ARHGAP21: variants seen among roughly 807,000 people sequenced by gnomAD.
The protein encoded by ARHGAP21 is rho GTPase-activating protein 21.
ARHGAP21 carries 38 observed loss-of-function variants against 164.6 expected under a neutral mutation model. The observed-to-expected ratio is 0.23, with a 90% CI of 0.18 to 0.30. The LOEUF (loss-of-function observed/expected upper bound fraction) is 0.30, where lower values mean the gene tolerates loss of function less well. Among genes scored for constraint, ARHGAP21 ranks in the 10% least tolerant of loss-of-function variants. ARHGAP21 has a pLI of 1.00. For missense variants in ARHGAP21, 1,822 were observed against 2,370.7 expected (o/e 0.77, Z 4.81); for synonymous variants, 766 against 857.9 (o/e 0.89, Z 1.87).
At chr10:24,695,133 C>T (rs1843068302) in intron 2 of ARHGAP21, among the ~76,000 whole-genome samples, 1 of 146,998 alleles carries the variant, frequency 6.8e-6, no homozygotes, top group South Asian at 2.2e-4. Context: ...AACATTATCT[C>T]CCAATTCCTA....
At chr10:24,625,136 A>G (rs1418943678) in intron 7 of ARHGAP21, among the ~76,000 whole-genome samples, 2 of 147,354 alleles carry the variant, frequency 1.4e-5, no homozygotes, top group Non-Finnish European at 3.0e-5. Flanking sequence ...TCCAAACAGT[A>G]TGTTAAATAC....
rs781504179 is a variant in ARHGAP21, at chr10:24,595,099, A to ATATAAAATAATACCTACTAGTCTTTT, written c.3778_3786+17dup. ...CTGAATTTTAGTTGTATCCCCCAAA[A>ATATAAAATAATACCTACTAGTCTTTT]TATAAAATAATACCTACTAGTCTTT... On this transcript the variant is annotated intron_variant, in intron 20 of 25. Coordinates refer to ENST00000396432, the MANE Select transcript of ARHGAP21 (RefSeq NM_020824.4). 1.9e-6 allele frequency: 3 copies of ATATAAAATAATACCTACTAGTCTTTT among 1,608,014 alleles called. No individual in the cohort carries two copies. The African/African-American group carries it at 4.0e-5, about 22-fold the overall frequency.
intron 2 of ARHGAP21, among the ~76,000 whole-genome samples, chr10:24,720,854 A>G (rs1845853824): frequency 6.6e-6 from 1 of 152,224 alleles, no homozygotes; most frequent in Non-Finnish European, 1.5e-5. Context: ...TTCAATGAAA[A>G]CATAGGCATC....
rs748733945 is a variant in ARHGAP21 at position 24,585,383 on chromosome 10, C to T, written c.4906G>A (p.Asp1636Asn). 9.9e-6 allele frequency: 16 copies of T among 1,613,868 alleles called. No individual in the cohort carries two copies. The highest frequency in any genetic ancestry group is 1.6e-4 in the Middle Eastern group (1 of 6,084). The change falls in exon 26 of 26, where the codon GAC becomes AAC. Residue 1636 changes from aspartate (D) to asparagine (N), a missense_variant. By Grantham distance (23) the Asp-to-Asn change is conservative. Coordinates refer to ENST00000396432, the MANE Select transcript of ARHGAP21 (RefSeq NM_020824.4). ...LISEGRPVET[D>N]SESEFPVFPT... ...AACACGGGAAACTCGCTCTCGCTGTCGGTTTCCACAGGCCGCCCTTCACTG... is the reference window on the plus strand; with the variant it reads ...AACACGGGAAACTCGCTCTCGCTGTTGGTTTCCACAGGCCGCCCTTCACTG...
chr10:24,677,911 C>CT (rs1226642921), intron 2 of ARHGAP21, among the ~76,000 whole-genome samples: 25 of 152,154 alleles, frequency 1.6e-4, no homozygotes, highest in African/African-American at 6.0e-4. Flanking sequence ...AATTTTAGTT[C>CT]TTTTTTAAAT....
At chr10:24,600,230 C>A (rs2076759241) in intron 14 of ARHGAP21, among the ~76,000 whole-genome samples, 1 of 149,196 alleles carries the variant, frequency 6.7e-6, no homozygotes. Flanking sequence ...ATATTCTTGA[C>A]TGTATAGTTC....
intron 2 of ARHGAP21, among the ~76,000 whole-genome samples, chr10:24,674,502 C>T (rs1841021869): frequency 6.6e-6 from 1 of 152,134 alleles, no homozygotes; most frequent in African/African-American, 2.4e-5. Flanking sequence ...GCCTGGGCAA[C>T]AGAGCCAGAC....
chr10:24,677,025 GC>G (rs1004281081), intron 2 of ARHGAP21, among the ~76,000 whole-genome samples: 1 of 152,008 alleles, frequency 6.6e-6, no homozygotes, highest in African/African-American at 2.4e-5. Flanking sequence ...AAAGAGACCA[GC>G]CTGGCCAACC....
At chr10:24,628,916 C>CATACATAT (rs71397961) in intron 7 of ARHGAP21, 1 of 99,604 alleles carries the variant, frequency 1.0e-5, no homozygotes. Flanking sequence ...CACATATATA[C>CATACATAT]ACATATATAT....
At chr10:24,699,904 C>G (rs1843502286) in intron 2 of ARHGAP21, among the ~76,000 whole-genome samples, 1 of 152,328 alleles carries the variant, frequency 6.6e-6, no homozygotes, top group Non-Finnish European at 1.5e-5. Context: ...TTCTTCATCA[C>G]TCACAAAATA....
At chr10:24,661,447 GA>G (rs1446210752) in intron 4 of ARHGAP21, among the ~76,000 whole-genome samples, 1 of 151,950 alleles carries the variant, frequency 6.6e-6, no homozygotes, top group Non-Finnish European at 1.5e-5. Context: ...TGATAAGAAA[GA>G]AAAAAGAAAA....
intron 2 of ARHGAP21, among the ~76,000 whole-genome samples, chr10:24,674,779 T>C (rs1039562243): frequency 2.0e-5 from 3 of 152,034 alleles, no homozygotes; most frequent in Non-Finnish European, 4.4e-5. Flanking sequence ...AGGCAAGCCA[T>C]AGAATGGGAG....
intron 2 of ARHGAP21, among the ~76,000 whole-genome samples, chr10:24,702,004 A>T (rs1843712428): frequency 6.6e-6 from 1 of 152,158 alleles, no homozygotes; most frequent in South Asian, 2.1e-4. Context: ...ATGAAACCTT[A>T]ATGCACAACT....
chr10:24,710,563 G>A (rs1844681461), intron 2 of ARHGAP21, among the ~76,000 whole-genome samples: 2 of 145,850 alleles, frequency 1.4e-5, no homozygotes, highest in South Asian at 4.5e-4. Flanking sequence ...ACCCATGAAG[G>A]TAGGAACCAG....
At chr10:24,659,228 C>T (rs1839420114) in intron 4 of ARHGAP21, among the ~76,000 whole-genome samples, 1 of 152,210 alleles carries the variant, frequency 6.6e-6, no homozygotes, top group African/African-American at 2.4e-5. Context: ...AGACAAACAC[C>T]TGTGCATGCA....
At chr10:24,602,135 T>C in intron 12 of ARHGAP21, 32 bp from the exon 13 acceptor site, 1 of 1,587,852 alleles carries the variant, frequency 6.3e-7, no homozygotes, top group Non-Finnish European at 8.5e-7. Flanking sequence ...CAGTAAAATG[T>C]CAGCATTTTC....
rs370895360 is a variant in ARHGAP21 at position 24,584,679 on chromosome 10, G to A, written c.5610C>T (p.Ile1870=). 4.8e-5 allele frequency: 78 copies of A among 1,613,932 alleles called. No homozygotes were observed. The highest frequency in any genetic ancestry group is 2.0e-4 in the African/African-American group (15 of 75,008). The stretch of plus-strand genomic sequence containing the variant: ...TTGGGTTCTCTGTCTGGGGATCTCC[G>A]ATTTCTCCTCTGCTAAGGTCAGAGG... ...TSTSDLSRGE[I]GDPQTENPST... Residue 1870 remains isoleucine (I), a synonymous_variant, in exon 26 of 26, where the codon ATC becomes ATT. Coordinates refer to ENST00000396432, the MANE Select transcript of ARHGAP21 (RefSeq NM_020824.4).
Position 24,620,914 on chromosome 10 carries a change from A to G in ARHGAP21, c.981T>C (p.Thr327=), listed in dbSNP as rs1247297088. The change falls in exon 9 of 26, where the codon ACT becomes ACC. Residue 327 remains threonine (T), a synonymous_variant. Coordinates refer to ENST00000396432, the MANE Select transcript of ARHGAP21 (RefSeq NM_020824.4). ...TTSPPLSIPT[T]HLIHQPAGSR... ...AGCCTGCAGGCTGATGAATTAGATG[A>G]GTGGTGGGAATTGATAATGGTGGTG... 12 of 1,613,702 alleles carry G rather than the reference A, an allele frequency of 7.4e-6. No homozygotes were observed. The highest frequency in any genetic ancestry group is 1.0e-5 in the Non-Finnish European group (12 of 1,179,840).
chr10:24,628,982 A>ATTT lies in ARHGAP21; in HGVS notation c.495+1011_495+1013dup, dbSNP rs1166249007. 1.2e-3 allele frequency: 14 copies of ATTT among 11,634 alleles called. 3 individuals are homozygous for ATTT. The highest frequency in any genetic ancestry group is 2.8e-3 in the East Asian group (1 of 356). The allele number at this position is 11,634 out of a possible 1,614,324, so 0.7% of individuals were successfully genotyped here. A position where few individuals can be genotyped will look rare whatever the true frequency, so the allele number is the denominator to read the frequency against. On this transcript the variant is annotated intron_variant, in intron 7 of 25. Coordinates refer to ENST00000396432, the MANE Select transcript of ARHGAP21 (RefSeq NM_020824.4). The stretch of plus-strand genomic sequence containing the variant: ...TATATATATATATATATATATATAT[A>ATTT]TTTTTTTTTTTTTTTTTTTTTTTTT...
Sources: gnomAD v4.1 joint callset for allele counts (sites outside exome capture counted in the v4.1 genomes callset) on GRCh38, gnomAD v4.1.1 for gene constraint, MANE v1.5 for transcripts, NCBI Gene and HGNC (gene_info 2026-07-23, HGNC 2026-07-21) for gene names.